Variants in PALLD observed in about 807,000 individuals in gnomAD.
PALLD encodes palladin, cytoskeletal associated protein.
PALLD carries 61 observed loss-of-function variants against 123.5 expected under a neutral mutation model. That is an observed-to-expected ratio of 0.49 (90% CI 0.40 to 0.61). The LOEUF is 0.61. Among genes scored for constraint, PALLD ranks in the 20% least tolerant of loss-of-function variants. PALLD has a pLI of 0.00. For synonymous variants in PALLD, 465 were observed against 496.4 expected, an observed-to-expected ratio of 0.94 and a Z score of 0.84; for missense variants, 1,273 against 1,377.0, an observed-to-expected ratio of 0.92 and a Z score of 1.20.
At chr4:168,615,888 G>A (rs1435183147) in intron 2 of PALLD, among the ~76,000 whole-genome samples, 2 of 152,172 alleles carry the variant, frequency 1.3e-5, no homozygotes, top group African/African-American at 2.4e-5. Flanking sequence ...CAATTTATGA[G>A]GTCTTTGCCT....
At chr4:168,766,674 AG>A (rs1488256948) in intron 10 of PALLD, among the ~76,000 whole-genome samples, 2 of 152,240 alleles carry the variant, frequency 1.3e-5, no homozygotes, top group Admixed American at 1.3e-4. Context: ...GAATTGGTTC[AG>A]TGCTTGTTCT....
chr4:168,763,843 C>T (rs1229583103), intron 10 of PALLD, among the ~76,000 whole-genome samples: 1 of 152,162 alleles, frequency 6.6e-6, no homozygotes, highest in Non-Finnish European at 1.5e-5. Flanking sequence ...ACCAGGCCTC[C>T]CACAGACCTT....
Position 168,691,199 on chromosome 4 carries a change from G to GT in PALLD, c.1478-62dup, listed in dbSNP as rs1046569307. On this transcript the variant is annotated intron_variant, in intron 7 of 21. Coordinates refer to ENST00000505667, the MANE Select transcript of PALLD (RefSeq NM_001166108.2). ...CAAGGTAATGGAAAGGAACAAGTAG[G>GT]TTTTTTTTAATTAAATGGAACCCCA... The GT allele has an allele frequency of 1.6e-4, 185 of 1,138,716 alleles. 2 individuals carry two copies. The highest frequency in any genetic ancestry group is 1.1e-3 in the South Asian group (84 of 79,358). 70.5% of individuals were successfully genotyped at this position (1,138,716 alleles called of 1,614,324 possible).
At chr4:168,857,863 A>G (rs1307459022) in intron 10 of PALLD, among the ~76,000 whole-genome samples, 1 of 152,264 alleles carries the variant, frequency 6.6e-6, no homozygotes, top group Non-Finnish European at 1.5e-5. Context: ...ACACAGGCAT[A>G]TATCCAAAAA....
intron 8 of PALLD, among the ~76,000 whole-genome samples, chr4:168,706,256 T>A (rs968182909): frequency 6.6e-6 from 1 of 152,172 alleles, no homozygotes; most frequent in Admixed American, 6.5e-5. Context: ...TTTTGCAGTA[T>A]TTCTCCTACT....
chr4:168,816,411 A>ATT lies in PALLD; in HGVS notation c.1965-74510_1965-74509insTT, dbSNP rs201234473. Among the ~76,000 whole-genome samples the ATT allele has an allele frequency of 8.7e-4, 99 of 113,684 alleles. 1 individual carries two copies. Among genetic ancestry groups the ATT allele is most frequent in the African/African-American group, 3.4e-3 (75 of 22,066 alleles). 74.6% of individuals were successfully genotyped at this position (113,684 alleles called of 152,430 possible). On this transcript the variant is annotated intron_variant, in intron 10 of 21. Transcript: ENST00000505667. ...TGTGTATATATATATATATATATAT[A>ATT]TATTTTTTTTAAGTATTAGATTGGA... is the stretch of plus-strand genomic sequence containing the variant.
chr4:168,855,692 G>A (rs2151002368), intron 10 of PALLD, among the ~76,000 whole-genome samples: 1 of 152,282 alleles, frequency 6.6e-6, no homozygotes, highest in East Asian at 1.9e-4. Flanking sequence ...CTTTGTCCCA[G>A]ATTAAAGGGC....
At position 168,756,807 on chromosome 4, in the gene PALLD, G is replaced by T. The variant is rs535132189; in HGVS notation, c.1964+44884G>T. Among the ~76,000 whole-genome samples, 5 of 152,312 alleles carry T rather than the reference G, an allele frequency of 3.3e-5. 1 individual carries two copies. Among genetic ancestry groups the T allele is most frequent in the African/African-American group, 1.2e-4 (5 of 41,576 alleles). Reference sequence around the variant, plus strand: ...CTTGAGAGTCACCACAGGAGAAATTGTGTTTAAGGCCATGAGACTATTTGC... The same window carrying T: ...CTTGAGAGTCACCACAGGAGAAATTTTGTTTAAGGCCATGAGACTATTTGC... On this transcript the variant is annotated intron_variant, in intron 10 of 21. Transcript: ENST00000505667.
chr4:168,502,721 G>A (rs1170196100), intron 1 of PALLD, among the ~76,000 whole-genome samples: 1 of 152,064 alleles, frequency 6.6e-6, no homozygotes, highest in African/African-American at 2.4e-5. Flanking sequence ...GCGAAAAAGG[G>A]AGACCTCGTT....
intron 10 of PALLD, among the ~76,000 whole-genome samples, chr4:168,846,414 T>C (rs1033155672): frequency 3.3e-5 from 5 of 152,160 alleles, no homozygotes; most frequent in African/African-American, 4.8e-5. Context: ...ACTAATAACA[T>C]CTGATCAACA....
intron 2 of PALLD, among the ~76,000 whole-genome samples, chr4:168,616,819 G>A (rs1278499625): frequency 2.0e-5 from 3 of 152,170 alleles, no homozygotes; most frequent in African/African-American, 7.2e-5. Flanking sequence ...CTACTGTGAT[G>A]TCATAAGAGA....
rs143552752 is a variant in PALLD, at chr4:168,776,976, C to T, written c.1964+65053C>T. The stretch of plus-strand genomic sequence containing the variant: ...TAGTCTCTGCACTAAGCTCTAGCTA[C>T]GGTAGCTACAGTTTACTTAATGACC... On this transcript the variant is annotated intron_variant, in intron 10 of 21. Coordinates refer to ENST00000505667, the MANE Select transcript of PALLD (RefSeq NM_001166108.2). Among the ~76,000 whole-genome samples, 364 of 152,226 alleles carry T rather than the reference C, an allele frequency of 2.4e-3. 1 individual carries two copies. The highest frequency in any genetic ancestry group is 8.2e-3 in the African/African-American group (341 of 41,520).
intron 10 of PALLD, among the ~76,000 whole-genome samples, chr4:168,721,761 T>C (rs557036880): frequency 6.6e-6 from 1 of 152,344 alleles, no homozygotes; most frequent in East Asian, 1.9e-4. Flanking sequence ...GTAAGCTTAA[T>C]TTTGAGCACA....
chr4:168,565,917 G>C (rs1179366813), intron 2 of PALLD, among the ~76,000 whole-genome samples: 1 of 152,086 alleles, frequency 6.6e-6, no homozygotes, highest in Non-Finnish European at 1.5e-5. Flanking sequence ...AATAATGCTA[G>C]TGGCTGTTGC....
In PALLD at chr4:168,711,737, G is replaced by A. The variant is rs1434288501; in HGVS notation, c.1778G>A (p.Gly593Asp). 1 of 1,614,126 alleles carries A rather than the reference G, an allele frequency of 6.2e-7. No individual in the cohort carries two copies. Among genetic ancestry groups the A allele is most frequent in the Non-Finnish European group, 8.5e-7 (1 of 1,180,030 alleles). ...EIQQVNNPEL[G>D]LSRAALQMQF... ...CAGCAGGTGAACAACCCTGAGTTAG[G>A]CCTGAGCAGGGCAGCCCTTCAAATG... is the stretch of plus-strand genomic sequence containing the variant. Residue 593 changes from glycine (G) to aspartate (D), a missense_variant, in exon 10 of 22, where the codon GGC becomes GAC. This residue lies in a region of PALLD where 944 missense variants were observed against 954.5 expected (regional missense o/e 0.99). Coordinates refer to ENST00000505667, the MANE Select transcript of PALLD (RefSeq NM_001166108.2).
Position 168,925,176 on chromosome 4 carries a change from A to T in PALLD, c.3359-57A>T, listed in dbSNP as rs1457365128. ...ATCACATTACTCTTTATAAACAACT[A>T]TTGTGTTTTATTTGTCAAAAAAATT... is the stretch of plus-strand genomic sequence containing the variant. On this transcript the variant is annotated intron_variant, in intron 20 of 21. Coordinates refer to ENST00000505667, the MANE Select transcript of PALLD (RefSeq NM_001166108.2). 7.6e-6 allele frequency: 12 copies of T among 1,574,920 alleles called. No individual in the cohort carries two copies. The Admixed American group carries it at 8.5e-5, about 11-fold the overall frequency.
intron 10 of PALLD, among the ~76,000 whole-genome samples, chr4:168,856,303 A>T (rs1013842718): frequency 8.5e-5 from 13 of 152,224 alleles, no homozygotes; most frequent in African/African-American, 2.9e-4. Flanking sequence ...TATGAGGAGC[A>T]AGTGTACATG....
intron 10 of PALLD, among the ~76,000 whole-genome samples, chr4:168,755,044 A>G (rs533900839): frequency 3.3e-5 from 5 of 152,282 alleles, no homozygotes; most frequent in African/African-American, 7.2e-5. Context: ...CATCCTGGCT[A>G]ACACGGTGAA....
At chr4:168,656,174 G>A (rs147861568) in intron 2 of PALLD, among the ~76,000 whole-genome samples, 3 of 152,170 alleles carry the variant, frequency 2.0e-5, no homozygotes, top group East Asian at 1.9e-4. Context: ...ATAGCTGAAT[G>A]TGCACCTCTA....
Sources: gnomAD v4.1 joint callset for allele counts (sites outside exome capture counted in the v4.1 genomes callset) on GRCh38, gnomAD v4.1.1 for gene constraint, gnomAD v4.1.1 regional missense constraint, MANE v1.5 for transcripts, NCBI Gene and HGNC (gene_info 2026-07-23, HGNC 2026-07-21) for gene names.